Variants in WASHC3 observed in about 807,000 individuals in gnomAD.
WASHC3 encodes the protein WASH complex subunit CCDC53.
WASHC3 carries 24 observed loss-of-function variants against 26.1 expected under a neutral mutation model. The ratio of observed to expected loss-of-function variants is 0.92; its 90% CI spans 0.66 to 1.29. The LOEUF (loss-of-function observed/expected upper bound fraction) is 1.29. Among genes scored for constraint, WASHC3 ranks in the 50% most tolerant of loss-of-function variants. The pLI is 0.00. For synonymous variants in WASHC3, 77 were observed against 75.7 expected (o/e 1.02, Z -0.09); for missense variants, 214 against 229.6 (o/e 0.93, Z 0.44).
chr12:102,037,353 A>G (rs1187701666), intron 5 of WASHC3, among the ~76,000 whole-genome samples: 1 of 152,234 alleles, frequency 6.6e-6, no homozygotes, highest in Non-Finnish European at 1.5e-5. Context: ...AATATGTAGA[A>G]TGCTGGAAGT....
intron 2 of WASHC3, among the ~76,000 whole-genome samples, chr12:102,051,968 A>G (rs1878410361): frequency 6.6e-6 from 1 of 152,236 alleles, no homozygotes; most frequent in Non-Finnish European, 1.5e-5. Context: ...ATTGTAGACA[A>G]TCAGTTACAG....
intron 5 of WASHC3, among the ~76,000 whole-genome samples, chr12:102,036,652 A>G (rs17041470): frequency 0.037 from 5,645 of 152,238 alleles, 402 homozygotes; most frequent in East Asian, 0.3. Context: ...AGAATGATTG[A>G]TGACTTAGCA....
intron 6 of WASHC3, among the ~76,000 whole-genome samples, chr12:102,015,813 C>T (rs149757707): frequency 1.1e-3 from 175 of 152,334 alleles, no homozygotes; most frequent in African/African-American, 3.8e-3. Context: ...TGATGAACTG[C>T]ATAGGACGGT....
intron 2 of WASHC3, chr12:102,050,511 C>CCA (rs1373939531): frequency 2.3e-6 from 1 of 444,072 alleles, no homozygotes. Context: ...GGTGTGGTGA[C>CCA]ACATGCCTAT....
intron 2 of WASHC3, 85 bp downstream of exon 2, chr12:102,061,163 T>C: frequency 1.2e-6 from 1 of 861,244 alleles, no homozygotes. Flanking sequence ...ATAAAGACTG[T>C]AATTCTTGTT....
intron 5 of WASHC3, among the ~76,000 whole-genome samples, chr12:102,038,091 G>A (rs1465521026): frequency 3.3e-5 from 5 of 152,120 alleles, no homozygotes; most frequent in African/African-American, 1.2e-4. Context: ...CACCATGCCC[G>A]GCCCGGGTCA....
At chr12:102,049,917 CT>C (rs1387879601) in intron 2 of WASHC3, among the ~76,000 whole-genome samples, 1 of 152,120 alleles carries the variant, frequency 6.6e-6, no homozygotes, top group Admixed American at 6.5e-5. Context: ...ACTAAAGAAA[CT>C]TTCAGGTTAT....
chr12:102,049,926 T>A (rs993904498), intron 2 of WASHC3, among the ~76,000 whole-genome samples: 12 of 152,206 alleles, frequency 7.9e-5, no homozygotes, highest in Non-Finnish European at 1.6e-4. Flanking sequence ...ACTTTCAGGT[T>A]ATGTGACAAT....
In WASHC3 at chr12:102,017,831, A is replaced by G. The variant is rs192841505; in HGVS notation, c.501-4639T>C. Reference sequence around the variant, plus strand: ...CTTATTGTAAAATACAGATAACATAAAATTTAATATTGTAACCATTTTTAA... The same window carrying G: ...CTTATTGTAAAATACAGATAACATAGAATTTAATATTGTAACCATTTTTAA... On this transcript the variant is annotated intron_variant, in intron 6 of 6. Transcript: ENST00000240079. 6.5e-4 allele frequency: 279 copies of G among 426,608 alleles called. 2 individuals carry two copies. The East Asian group carries it at 0.018, about 28-fold the overall frequency. 26.4% of individuals were successfully genotyped at this position (426,608 alleles called of 1,614,324 possible). A position where few individuals can be genotyped will look rare whatever the true frequency, so the allele number is the denominator to read the frequency against.
At chr12:102,044,904 G>A (rs1197674786) in intron 3 of WASHC3, among the ~76,000 whole-genome samples, 2 of 152,108 alleles carry the variant, frequency 1.3e-5, no homozygotes, top group Admixed American at 6.5e-5. Context: ...AGTTCATCCT[G>A]ATATCAATGA....
intron 2 of WASHC3, among the ~76,000 whole-genome samples, chr12:102,046,619 T>C (rs778093991): frequency 1.3e-4 from 20 of 152,184 alleles, no homozygotes; most frequent in Non-Finnish European, 2.8e-4. Flanking sequence ...TAAAATTATA[T>C]TCACTTATAA....
At chr12:102,046,235 G>A (rs1393758577) in intron 2 of WASHC3, 116 bp from the exon 3 acceptor site, 2 of 602,144 alleles carry the variant, frequency 3.3e-6, no homozygotes, top group Admixed American at 5.7e-5. Flanking sequence ...TTCTAATACA[G>A]TACTGTCTTA....
intron 4 of WASHC3, among the ~76,000 whole-genome samples, chr12:102,040,680 C>T (rs1877901718): frequency 6.6e-6 from 1 of 151,952 alleles, no homozygotes; most frequent in South Asian, 2.1e-4. Flanking sequence ...TATTGTTATA[C>T]AGGCAGTCTT....
chr12:102,056,316 G>A (rs1878591632), intron 2 of WASHC3, among the ~76,000 whole-genome samples: 1 of 152,134 alleles, frequency 6.6e-6, no homozygotes, highest in Non-Finnish European at 1.5e-5. Flanking sequence ...TAAAAACTTG[G>A]TTTGTGTGTT....
At chr12:102,057,974 A>G (rs1878659750) in intron 2 of WASHC3, among the ~76,000 whole-genome samples, 2 of 152,104 alleles carry the variant, frequency 1.3e-5, no homozygotes, top group Admixed American at 1.3e-4. Context: ...CCAAAAAAAC[A>G]AAGCCAGAGA....
At chr12:102,033,390 T>A (rs1243946606) in intron 5 of WASHC3, among the ~76,000 whole-genome samples, 3 of 152,086 alleles carry the variant, frequency 2.0e-5, no homozygotes, top group African/African-American at 7.2e-5. Context: ...TTCTAAACAA[T>A]AATTAAAATA....
chr12:102,055,926 T>C (rs1480699132), intron 2 of WASHC3, among the ~76,000 whole-genome samples: 1 of 152,188 alleles, frequency 6.6e-6, no homozygotes, highest in Non-Finnish European at 1.5e-5. Flanking sequence ...CTTGACACAG[T>C]GTTAACACAA....
In WASHC3 at chr12:102,046,138, A is replaced by C. The variant is rs1457679931; in HGVS notation, c.151-19T>G. The C allele has an allele frequency of 2.1e-6, 3 of 1,423,438 alleles. No homozygotes were observed. Among genetic ancestry groups the C allele is most frequent in the Non-Finnish European group, 2.9e-6 (3 of 1,022,764 alleles). 88.2% of individuals were successfully genotyped at this position (1,423,438 alleles called of 1,614,324 possible). The stretch of plus-strand genomic sequence containing the variant: ...CCAGTTTCTGTAAAAGAAAAATTAG[A>C]GACATAAAGACTTTAATTAAAATAA... On this transcript the variant is annotated intron_variant, in intron 2 of 6. Transcript: ENST00000240079.
At chr12:102,043,303 G>A (rs183854268) in intron 4 of WASHC3, among the ~76,000 whole-genome samples, 7 of 152,100 alleles carry the variant, frequency 4.6e-5, no homozygotes, top group Admixed American at 3.3e-4. Context: ...AGGGACTTGC[G>A]CTGTCACCTA....
Sources: allele counts gnomAD v4.1 joint callset (sites outside exome capture counted in the v4.1 genomes callset), GRCh38; gene constraint gnomAD v4.1.1; transcripts MANE v1.5; gene names NCBI Gene and HGNC (gene_info 2026-07-23, HGNC 2026-07-21).